Variants in AFDN observed in about 807,000 individuals in gnomAD.
The protein encoded by AFDN is afadin, adherens junction formation factor.
AFDN carries 68 observed loss-of-function variants against 216.6 expected under a neutral mutation model. The observed-to-expected ratio is 0.31, with a 90% CI of 0.26 to 0.38. The LOEUF (loss-of-function observed/expected upper bound fraction) is 0.38. Ranked by LOEUF, AFDN falls within the 10% of genes least tolerant of loss-of-function variation. AFDN has a pLI of 1.00. For missense variants in AFDN, 2,136 were observed against 2,342.0 expected, an observed-to-expected ratio of 0.91 and a Z score of 1.82; for synonymous variants, 868 against 853.7, an observed-to-expected ratio of 1.02 and a Z score of -0.29.
intron 30 of AFDN, among the ~76,000 whole-genome samples, chr6:167,961,139 A>G (rs1796997346): frequency 6.6e-6 from 1 of 152,206 alleles, no homozygotes; most frequent in Non-Finnish European, 1.5e-5. Flanking sequence ...ACTACAAACA[A>G]TTTATAGACA....
At chr6:167,944,466 A>G (rs1160613889) in intron 26 of AFDN, among the ~76,000 whole-genome samples, 1 of 150,628 alleles carries the variant, frequency 6.6e-6, no homozygotes, top group African/African-American at 2.5e-5. Flanking sequence ...TGTTTAAAGA[A>G]TAAATTCAGT....
At chr6:167,868,145 T>C (rs1444142160) in intron 2 of AFDN, among the ~76,000 whole-genome samples, 1 of 152,228 alleles carries the variant, frequency 6.6e-6, no homozygotes, top group East Asian at 1.9e-4. Context: ...TGATCGTTTG[T>C]ACTGCCTCAT....
At chr6:167,868,385 C>G (rs1180474542) in intron 2 of AFDN, among the ~76,000 whole-genome samples, 2 of 152,082 alleles carry the variant, frequency 1.3e-5, no homozygotes, top group Non-Finnish European at 2.9e-5. Flanking sequence ...CATCTGGAAT[C>G]AAATTTTATA....
intron 6 of AFDN, among the ~76,000 whole-genome samples, chr6:167,881,288 A>T (rs1336770142): frequency 6.6e-6 from 1 of 152,244 alleles, no homozygotes; most frequent in Non-Finnish European, 1.5e-5. Context: ...AAAACTAGTG[A>T]TTTGAAGCTT....
At chr6:167,948,007 C>A in intron 28 of AFDN, 63 bp downstream of exon 28, 2 of 1,233,334 alleles carry the variant, frequency 1.6e-6, no homozygotes, top group Non-Finnish European at 2.4e-6. Context: ...TCCCTTTGGA[C>A]ATCTCAGTTA....
At chr6:167,917,741 T>A (rs1791273862) in intron 20 of AFDN, among the ~76,000 whole-genome samples, 1 of 152,226 alleles carries the variant, frequency 6.6e-6, no homozygotes, top group South Asian at 2.1e-4. Context: ...GAATTATGTA[T>A]GTGGATGGAT....
intron 30 of AFDN, among the ~76,000 whole-genome samples, chr6:167,956,114 CAAAAAAAAAAAAAAAAA>C (rs59521151): frequency 2.4e-5 from 1 of 41,302 alleles, no homozygotes; most frequent in African/African-American, 9.1e-5. Flanking sequence ...GACTTTGGCT[CAAAAAAAAAAAAAAAAA>C]AAAAAAAAAC....
intron 5 of AFDN, among the ~76,000 whole-genome samples, chr6:167,878,555 C>A (rs2128288331): frequency 6.6e-6 from 1 of 152,028 alleles, no homozygotes; most frequent in East Asian, 1.9e-4. Context: ...CATACATGTG[C>A]ACTCTTGCAT....
chr6:167,913,527 A>C (rs78729625), intron 16 of AFDN, 104 bp downstream of exon 16: 6 of 1,050,370 alleles, frequency 5.7e-6, no homozygotes, highest in Non-Finnish European at 7.0e-6. Context: ...TGAACAGCTC[A>C]TAACACTCAT....
At chr6:167,838,377 G>A (rs1345137198) in intron 1 of AFDN, among the ~76,000 whole-genome samples, 1 of 152,140 alleles carries the variant, frequency 6.6e-6, no homozygotes, top group Admixed American at 6.5e-5. Flanking sequence ...GTGCTGCCTT[G>A]CCTGACTCTG....
chr6:167,961,329 TAAG>T (rs1228915563), intron 30 of AFDN, among the ~76,000 whole-genome samples: 6 of 152,346 alleles, frequency 3.9e-5, no homozygotes, highest in Middle Eastern at 3.4e-3. Flanking sequence ...CTATACCAGA[TAAG>T]AAGTAAATGG....
intron 6 of AFDN, among the ~76,000 whole-genome samples, chr6:167,884,783 A>C (rs1398424881): frequency 6.6e-6 from 1 of 152,188 alleles, no homozygotes; most frequent in African/African-American, 2.4e-5. Context: ...CTCAACTTAA[A>C]GTCACCAGCT....
rs1782468707 is a variant in AFDN at position 167,852,827 on chromosome 6, T to G, written c.106-11724T>G. Among the ~76,000 whole-genome samples, 3 of 152,166 alleles carry G rather than the reference T, an allele frequency of 2.0e-5. No homozygotes were observed. The South Asian group carries it at 6.2e-4, about 32-fold the overall frequency. ...TTTATGTATTCCATGTTTCAGTAAC[T>G]TGAGGTCATTTCTGCTGGTATTCAG... is the stretch of plus-strand genomic sequence containing the variant. On this transcript the variant is annotated intron_variant, in intron 1 of 33. Coordinates refer to ENST00000683244, the MANE Select transcript of AFDN (RefSeq NM_001386888.1).
intron 18 of AFDN, 23 bp from the exon 19 acceptor site, chr6:167,915,145 G>T (rs1163043178): frequency 6.2e-7 from 1 of 1,611,596 alleles, no homozygotes; most frequent in Admixed American, 1.7e-5. Context: ...TGCTCCTCTT[G>T]TCCTCTCACC....
intron 21 of AFDN, among the ~76,000 whole-genome samples, chr6:167,921,232 T>C (rs1377809171): frequency 6.6e-6 from 1 of 152,244 alleles, no homozygotes; most frequent in African/African-American, 2.4e-5. Flanking sequence ...CCTCACCAAG[T>C]TGGAAATAGT....
Position 167,880,536 on chromosome 6 carries a change from T to C in AFDN, c.897+19T>C. 6.2e-7 allele frequency: 1 copy of C among 1,609,420 alleles called. No homozygotes were observed. Among genetic ancestry groups the C allele is most frequent in the Non-Finnish European group, 8.5e-7 (1 of 1,177,934 alleles). ...CGCCCGGGTAAGGAACTTTATCAAA[T>C]CAGTAGTTCTTTCTACTTCACATTT... On this transcript the variant is annotated intron_variant, in intron 6 of 33. Transcript: ENST00000683244.
chr6:167,876,778 T>C (rs1246044466), intron 5 of AFDN, among the ~76,000 whole-genome samples: 1 of 152,212 alleles, frequency 6.6e-6, no homozygotes, highest in African/African-American at 2.4e-5. Flanking sequence ...ACATTTTTTT[T>C]TTTTACGATA....
At chr6:167,855,059 G>T (rs1051305461) in intron 1 of AFDN, among the ~76,000 whole-genome samples, 1 of 151,868 alleles carries the variant, frequency 6.6e-6, no homozygotes, top group Non-Finnish European at 1.5e-5. Flanking sequence ...GTTCAATGAT[G>T]ATATTCAGTG....
chr6:167,917,158 A>C lies in AFDN; in HGVS notation c.2635A>C (p.Lys879Gln), dbSNP rs1791187323. 1 of 1,612,720 alleles carries C rather than the reference A, an allele frequency of 6.2e-7. No homozygotes were observed. The highest frequency in any genetic ancestry group is 2.2e-5 in the East Asian group (1 of 44,848). Residue 879 changes from lysine to glutamine, a missense_variant, in exon 20 of 34, where the codon AAG (lysine) becomes CAG (glutamine). By Grantham distance (53) the Lys-to-Gln change is moderately conservative. Around this residue, in one of 8 missense-constraint regions of AFDN, gnomAD observed 162 missense variants for 182.6 expected, o/e 0.89. Transcript: ENST00000683244. The stretch of plus-strand genomic sequence containing the variant: ...TCCAAATATAAACAGCACCTGCTTT[A>C]AGTTAAATTCATTACAACTTCAAGC... The part of the protein sequence containing the change: ...DIPNINSTCF[K>Q]LNSLQLQALL...
Sources: allele counts gnomAD v4.1 joint callset (sites outside exome capture counted in the v4.1 genomes callset), GRCh38; gene constraint gnomAD v4.1.1; regional missense constraint gnomAD v4.1.1; transcripts MANE v1.5; gene names NCBI Gene and HGNC (gene_info 2026-07-23, HGNC 2026-07-21).